CARD14: variants seen among roughly 807,000 people sequenced by gnomAD.
CARD14 encodes the protein caspase recruitment domain-containing protein 14.
In CARD14, 107 loss-of-function variants were observed where a neutral mutation model predicts 111.5. The ratio of observed to expected loss-of-function variants is 0.96; its 90% CI spans 0.82 to 1.13. The LOEUF is 1.13. Ranked by LOEUF, CARD14 falls within the 50% of genes most tolerant of loss-of-function variation. The pLI is 0.00. For missense variants in CARD14, 1,322 were observed against 1,362.3 expected (o/e 0.97, Z 0.47); for synonymous variants, 617 against 579.6 (o/e 1.06, Z -0.93).
rs778856899 is a variant in CARD14 at position 80,198,689 on chromosome 17, G to A, written c.1851+98G>A. On this transcript the variant is annotated intron_variant, in intron 16 of 23. Coordinates refer to ENST00000648509, the MANE Select transcript of CARD14 (RefSeq NM_001366385.1). This position sits in a 1 kb window ranked among gnomAD's most constrained non-coding sequence, Gnocchi z 7.5. Reference sequence around the variant, plus strand: ...GCAGACTTCACCTCCCCCAGACGATGCAGATCCACTCTGGGCTGGGCCTCT... The same window carrying A: ...GCAGACTTCACCTCCCCCAGACGATACAGATCCACTCTGGGCTGGGCCTCT... 1.2e-6 allele frequency: 2 copies of A among 1,604,322 alleles called. No individual in the cohort carries two copies. Among genetic ancestry groups the A allele is most frequent in the South Asian group, 1.1e-5 (1 of 90,572 alleles).
At chr17:80,171,205 C>CCCTCCCTCCCTCCCTT (rs1429751226) in intron 1 of CARD14, among the ~76,000 whole-genome samples, 3 of 41,164 alleles carry the variant, frequency 7.3e-5, no homozygotes, top group Admixed American at 3.0e-4. Context: ...CTCCCTCCCT[C>CCCTCCCTCCCTCCCTT]CCTTCCTTCC....
chr17:80,208,104 C>T, intron 23 of CARD14, 34 bp from the exon 24 acceptor site: 1 of 1,471,538 alleles, frequency 6.8e-7, no homozygotes, highest in Non-Finnish European at 9.1e-7. Context: ...TTGCTCTCCC[C>T]TGAGCCCGCC....
intron 4 of CARD14, among the ~76,000 whole-genome samples, chr17:80,180,126 T>G (rs990873393): frequency 6.6e-6 from 1 of 152,066 alleles, no homozygotes; most frequent in Non-Finnish European, 1.5e-5. Context: ...AGGGGCACAG[T>G]GGGGTACACA....
At chr17:80,174,443 C>G (rs1016544141) in intron 2 of CARD14, among the ~76,000 whole-genome samples, 1 of 152,116 alleles carries the variant, frequency 6.6e-6, no homozygotes, top group Non-Finnish European at 1.5e-5. Flanking sequence ...GAACTCCTGA[C>G]CTCAGGCGAC....
intron 1 of CARD14, among the ~76,000 whole-genome samples, chr17:80,171,109 G>A (rs1013203724): frequency 6.7e-6 from 1 of 150,202 alleles, no homozygotes; most frequent in Non-Finnish European, 1.5e-5. Context: ...CCAAAGTGCT[G>A]GGATTACGGG....
At chr17:80,199,472 C>CA (rs1470792220) in intron 16 of CARD14, among the ~76,000 whole-genome samples, 1 of 145,062 alleles carries the variant, frequency 6.9e-6, no homozygotes, top group Non-Finnish European at 1.5e-5. Flanking sequence ...CCTAGCTACT[C>CA]AGATGCCTGA....
rs1235729097 is a variant in CARD14 at position 80,188,298 on chromosome 17, A to C, written c.676-79A>C. On this transcript the variant is annotated intron_variant, in intron 7 of 23. Coordinates refer to ENST00000648509, the MANE Select transcript of CARD14 (RefSeq NM_001366385.1). This position sits in a 1 kb window ranked among gnomAD's most constrained non-coding sequence, Gnocchi z 4.5. ...AGTGCTAAAAGCATCATTAGGAGGA[A>C]GGGTGAGAAATGCCCCCAGCTCCTG... 1 of 1,413,508 alleles carries C rather than the reference A, an allele frequency of 7.1e-7. No individual in the cohort carries two copies. The highest frequency in any genetic ancestry group is 9.5e-7 in the Non-Finnish European group (1 of 1,056,844). 87.6% of individuals were successfully genotyped at this position (1,413,508 alleles called of 1,614,324 possible). A position where few individuals can be genotyped will look rare whatever the true frequency, so the allele number is the denominator to read the frequency against.
intron 12 of CARD14, among the ~76,000 whole-genome samples, chr17:80,194,117 GCT>G (rs777691911): frequency 6.6e-6 from 1 of 151,918 alleles, no homozygotes; most frequent in Admixed American, 6.6e-5. Flanking sequence ...CTGCTCTGTT[GCT>G]CTCTCTGTCT....
chr17:80,190,113 A>G (rs1284652779), intron 9 of CARD14, among the ~76,000 whole-genome samples: 1 of 152,182 alleles, frequency 6.6e-6, no homozygotes, highest in East Asian at 1.9e-4. Flanking sequence ...TTCAGGGCCC[A>G]GGCCCCGGGG....
chr17:80,204,148 C>A, intron 19 of CARD14, 79 bp from the exon 20 acceptor site: 2 of 1,404,030 alleles, frequency 1.4e-6, no homozygotes, highest in East Asian at 2.5e-5. Context: ...CGCCCTAGTG[C>A]CAATCATCTC....
intron 4 of CARD14, among the ~76,000 whole-genome samples, chr17:80,181,089 T>TA (rs60307812): frequency 0.03 from 4,291 of 141,394 alleles, 76 homozygotes; most frequent in Middle Eastern, 0.058. Context: ...GATGAATTTC[T>TA]AAAAAAAAAA....
intron 7 of CARD14, among the ~76,000 whole-genome samples, chr17:80,184,484 G>A (rs1276330283): frequency 1.3e-5 from 2 of 152,240 alleles, no homozygotes; most frequent in African/African-American, 4.8e-5. Context: ...CCCGTGGCCT[G>A]GCTGGCTTGT....
intron 7 of CARD14, among the ~76,000 whole-genome samples, chr17:80,187,022 A>G (rs1312662316): frequency 6.6e-6 from 1 of 152,232 alleles, no homozygotes; most frequent in African/African-American, 2.4e-5. Flanking sequence ...ACATACTCAT[A>G]TGCATGGAAG....
Position 80,205,563 on chromosome 17 carries a change from A to AG in CARD14, c.2603dup (p.Ser868ArgfsTer106). Reference sequence around the variant, plus strand: ...GAGCCAGGAGGAGTATGAGGCCTGGAGCCAGAGAGGGGACATCATCCAGGA... The same window carrying AG: ...GAGCCAGGAGGAGTATGAGGCCTGGAGGCCAGAGAGGGGACATCATCCAGGA... On this transcript the variant is annotated frameshift_variant, in exon 22 of 24. Transcript: ENST00000648509. LOFTEE classifies it high-confidence loss of function. 6.3e-7 allele frequency: 1 copy of AG among 1,583,106 alleles called. No homozygotes were observed. The highest frequency in any genetic ancestry group is 8.6e-7 in the Non-Finnish European group (1 of 1,164,066).
chr17:80,202,057 AG>A, intron 17 of CARD14, 122 bp from the exon 18 acceptor site: 1 of 1,198,892 alleles, frequency 8.3e-7, no homozygotes, highest in Middle Eastern at 2.1e-4. Context: ...CACTGACTCC[AG>A]TGCCAGAGCA....
In CARD14 at chr17:80,182,806, T is replaced by C. The variant is rs367774865; in HGVS notation, c.349+16T>C. 13 of 1,613,852 alleles carry C rather than the reference T, an allele frequency of 8.1e-6. No individual in the cohort carries two copies. In the African/African-American group the frequency reaches 1.5e-4, roughly 18 times the overall value. ...AACTTTAGCGGTGAGAGCTCCGACT[T>C]TGACGGTTTGGCAGGCACTTCTAGG... On this transcript the variant is annotated intron_variant, in intron 6 of 23. Coordinates refer to ENST00000648509, the MANE Select transcript of CARD14 (RefSeq NM_001366385.1). This position sits in a 1 kb window ranked among gnomAD's most constrained non-coding sequence, Gnocchi z 4.7.
intron 1 of CARD14, among the ~76,000 whole-genome samples, chr17:80,170,795 GTCCCCTCCCCTCCTC>G (rs1159949177): frequency 0.034 from 680 of 20,040 alleles, 9 homozygotes; most frequent in Non-Finnish European, 0.045. Context: ...CTCCCCTCCC[GTCCCCTCCCCTCCTC>G]TCCCCTCCCC....
chr17:80,197,543 AAAAGAAAG>A (rs36045743), intron 14 of CARD14: 8 of 143,954 alleles, frequency 5.6e-5, no homozygotes, highest in African/African-American at 1.6e-4. Flanking sequence ...AAAAAAAAAA[AAAAGAAAG>A]AAAGAAAGAA....
intron 6 of CARD14, among the ~76,000 whole-genome samples, chr17:80,183,651 G>T (rs1053734128): frequency 2.0e-5 from 3 of 152,192 alleles, no homozygotes; most frequent in African/African-American, 7.2e-5. Context: ...CTGGGGGCCT[G>T]CTGGGGAGTC....
Sources: allele counts gnomAD v4.1 joint callset (sites outside exome capture counted in the v4.1 genomes callset), GRCh38; gene constraint gnomAD v4.1.1; non-coding constraint Gnocchi (gnomAD v3.1); transcripts MANE v1.5; gene names NCBI Gene and HGNC (gene_info 2026-07-23, HGNC 2026-07-21).